Variants in SRGAP3 observed in about 807,000 individuals in gnomAD.
SRGAP3 encodes SLIT-ROBO Rho GTPase activating protein 3, also known as SLIT-ROBO Rho GTPase-activating protein 3.
Under a neutral mutation model 121.1 loss-of-function variants are expected in SRGAP3, and 39 were observed. The ratio of observed to expected loss-of-function variants is 0.32; its 90% CI spans 0.25 to 0.42. The LOEUF (loss-of-function observed/expected upper bound fraction) is 0.42, where lower values mean the gene tolerates loss of function less well. Among genes scored for constraint, SRGAP3 ranks in the 10% least tolerant of loss-of-function variants. The pLI is 1.00. For synonymous variants in SRGAP3, 601 were observed against 570.0 expected, an observed-to-expected ratio of 1.05 and a Z score of -0.77; for missense variants, 1,213 against 1,470.6, an observed-to-expected ratio of 0.82 and a Z score of 2.86.
chr3:9,248,833 A>G, intron 1 of SRGAP3, 52 bp downstream of exon 1: 2 of 1,581,242 alleles, frequency 1.3e-6, no homozygotes, highest in Admixed American at 3.3e-5. Context: ...AACCAGAACA[A>G]GAGAAAAACG....
chr3:9,263,748 A>G (rs1320605395), intron 3 of SRGAP3, among the ~76,000 whole-genome samples: 1 of 152,216 alleles, frequency 6.6e-6, no homozygotes, highest in African/African-American at 2.4e-5. Context: ...CAACAAAAAA[A>G]GCCCAGGACC....
chr3:9,068,789 C>A lies in SRGAP3; in HGVS notation c.487-4208G>T, dbSNP rs547521881. Among the ~76,000 whole-genome samples, 5 of 152,248 alleles carry A rather than the reference C, an allele frequency of 3.3e-5. No individual in the cohort carries two copies. The South Asian group carries it at 1.0e-3, about 32-fold the overall frequency. Reference sequence around the variant, plus strand: ...TATCTATTGCTTCAAAGTTTGCAAACCTCCTTCCAGGAGCCCTTCTAGTAA... The same window carrying A: ...TATCTATTGCTTCAAAGTTTGCAAAACTCCTTCCAGGAGCCCTTCTAGTAA... On this transcript the variant is annotated intron_variant, in intron 4 of 21. Coordinates refer to ENST00000383836, the MANE Select transcript of SRGAP3 (RefSeq NM_014850.4).
At chr3:9,140,738 C>A (rs1949818029) in intron 1 of SRGAP3, among the ~76,000 whole-genome samples, 1 of 152,248 alleles carries the variant, frequency 6.6e-6, no homozygotes, top group South Asian at 2.1e-4. Context: ...GCCTGTGGGC[C>A]ATAGGTTGCC....
chr3:9,185,886 T>C (rs1276870083), intron 1 of SRGAP3, among the ~76,000 whole-genome samples: 1 of 152,176 alleles, frequency 6.6e-6, no homozygotes, highest in African/African-American at 2.4e-5. Flanking sequence ...AGAAACAGAC[T>C]GTAATGAGCT....
chr3:9,148,642 C>A (rs1950106205), intron 1 of SRGAP3, among the ~76,000 whole-genome samples: 1 of 152,212 alleles, frequency 6.6e-6, no homozygotes, highest in South Asian at 2.1e-4. Flanking sequence ...CTCCAATTTA[C>A]AATGGAGAAC....
intron 3 of SRGAP3, among the ~76,000 whole-genome samples, chr3:9,300,168 T>C (rs916805416): frequency 7.8e-6 from 1 of 128,710 alleles, no homozygotes; most frequent in African/African-American, 3.0e-5. Context: ...ACCATCATCA[T>C]CTTCATCATC....
At chr3:9,307,936 C>G (rs1165744938) in intron 3 of SRGAP3, among the ~76,000 whole-genome samples, 1 of 152,226 alleles carries the variant, frequency 6.6e-6, no homozygotes, top group Non-Finnish European at 1.5e-5. Flanking sequence ...GGGCGGATCA[C>G]TTAAGGTCAG....
chr3:9,147,092 G>A (rs541833971), intron 1 of SRGAP3, among the ~76,000 whole-genome samples: 2 of 152,304 alleles, frequency 1.3e-5, no homozygotes, highest in East Asian at 3.9e-4. Context: ...CTACAACACA[G>A]ACAATACCAT....
intron 1 of SRGAP3, among the ~76,000 whole-genome samples, chr3:9,238,690 C>T (rs375783336): frequency 1.1e-4 from 17 of 152,254 alleles, no homozygotes; most frequent in East Asian, 5.8e-4. Flanking sequence ...GGAGAGAAGC[C>T]GGATCCCTTC....
chr3:9,240,247 T>G (rs113602599), intron 1 of SRGAP3, among the ~76,000 whole-genome samples: 37 of 152,334 alleles, frequency 2.4e-4, no homozygotes, highest in African/African-American at 6.3e-4. Flanking sequence ...TGCCATTATT[T>G]GCCAGCCAAG....
At chr3:8,991,476 C>A (rs562107913) in intron 20 of SRGAP3, among the ~76,000 whole-genome samples, 1 of 152,274 alleles carries the variant, frequency 6.6e-6, no homozygotes, top group African/African-American at 2.4e-5. Flanking sequence ...TTCAGGGAGG[C>A]TCTGGTGTGG....
At chr3:9,238,863 G>A (rs969929095) in intron 1 of SRGAP3, among the ~76,000 whole-genome samples, 1 of 152,116 alleles carries the variant, frequency 6.6e-6, no homozygotes, top group Non-Finnish European at 1.5e-5. Flanking sequence ...CCAAGGAGAG[G>A]GGGACACATG....
intron 1 of SRGAP3, among the ~76,000 whole-genome samples, chr3:9,150,317 A>C (rs1431256494): frequency 1.3e-5 from 2 of 152,056 alleles, no homozygotes; most frequent in African/African-American, 4.8e-5. Flanking sequence ...GCAAGTGACC[A>C]TCTGGCTGGA....
chr3:9,204,644 C>T (rs1952197768), intron 1 of SRGAP3, among the ~76,000 whole-genome samples: 1 of 85,528 alleles, frequency 1.2e-5, no homozygotes, highest in Non-Finnish European at 2.3e-5. Flanking sequence ...CCAACTCTCC[C>T]TAAGGTCTTT....
chr3:8,993,782 G>A (rs1488959539), intron 19 of SRGAP3, among the ~76,000 whole-genome samples: 2 of 152,278 alleles, frequency 1.3e-5, no homozygotes, highest in East Asian at 3.9e-4. Flanking sequence ...TGCCGAGCCT[G>A]ACCAGAGCTC....
intron 10 of SRGAP3, among the ~76,000 whole-genome samples, chr3:9,042,947 T>C (rs1290741359): frequency 6.6e-6 from 1 of 152,050 alleles, no homozygotes; most frequent in Non-Finnish European, 1.5e-5. Context: ...TTGTCCCCTC[T>C]TCCCCAAAAA....
chr3:9,013,181 A>G (rs9874679), intron 17 of SRGAP3, 127 bp downstream of exon 17: 42,780 of 915,272 alleles, frequency 0.047, 3,899 homozygotes, highest in African/African-American at 0.26. Flanking sequence ...TGTGAAGCTC[A>G]GATGAGAAAA....
intron 2 of SRGAP3, among the ~76,000 whole-genome samples, chr3:9,111,915 T>C (rs1218767067): frequency 1.3e-5 from 2 of 152,218 alleles, no homozygotes; most frequent in African/African-American, 4.8e-5. Flanking sequence ...ATTTTGCATA[T>C]GTATGTATCT....
intron 20 of SRGAP3, among the ~76,000 whole-genome samples, chr3:8,991,633 C>G (rs1942062431): frequency 6.6e-6 from 1 of 152,184 alleles, no homozygotes; most frequent in African/African-American, 2.4e-5. Flanking sequence ...ACCTTTGCTT[C>G]AAGTGGGTTT....
Sources: allele counts gnomAD v4.1 joint callset (sites outside exome capture counted in the v4.1 genomes callset), GRCh38; gene constraint gnomAD v4.1.1; transcripts MANE v1.5; gene names NCBI Gene and HGNC (gene_info 2026-07-23, HGNC 2026-07-21).